CLVS1: variants seen among roughly 807,000 people sequenced by gnomAD.
CLVS1 encodes the protein clavesin 1, also known as clavesin-1.
A neutral mutation model predicts 33.1 loss-of-function variants in CLVS1; 10 were observed. The ratio of observed to expected loss-of-function variants is 0.30; its 90% CI spans 0.19 to 0.51. The LOEUF (loss-of-function observed/expected upper bound fraction) is 0.51, where lower values mean the gene tolerates loss of function less well. Among genes scored for constraint, CLVS1 ranks in the 20% least tolerant of loss-of-function variants. The pLI is 0.97. For missense variants in CLVS1, 343 were observed against 433.4 expected (o/e 0.79, Z 1.85); for synonymous variants, 163 against 166.1 (o/e 0.98, Z 0.14).
At chr8:61,151,867 G>A (rs2129295014) in intron 2 of CLVS1, among the ~76,000 whole-genome samples, 1 of 152,246 alleles carries the variant, frequency 6.6e-6, no homozygotes, top group East Asian at 1.9e-4. Flanking sequence ...TCTGATCTGA[G>A]GTCTTTAGGG....
chr8:61,023,749 C>T, the CLVS1 span, among the ~76,000 whole-genome samples: 139 of 152,246 alleles, frequency 9.1e-4, no homozygotes, highest in Non-Finnish European at 1.6e-3. Context: ...GGGGGAGAGG[C>T]CCAGGGAGCC....
chr8:61,174,966 C>T (rs749436931), intron 2 of CLVS1, among the ~76,000 whole-genome samples: 1 of 91,510 alleles, frequency 1.1e-5, no homozygotes, highest in Non-Finnish European at 2.4e-5. Context: ...AGACCTAGGA[C>T]TCAAGAAATT....
intron 1 of CLVS1, chr8:61,090,797 A>T (rs927168796): frequency 2.0e-6 from 1 of 492,906 alleles, no homozygotes; most frequent in African/African-American, 2.0e-5. Context: ...TTCCTCTAGG[A>T]TGGATTATAT....
intron 1 of CLVS1, among the ~76,000 whole-genome samples, chr8:61,096,232 G>A (rs1286325016): frequency 1.3e-5 from 2 of 152,222 alleles, no homozygotes; most frequent in African/African-American, 4.8e-5. Flanking sequence ...TCGCCCTCCA[G>A]CCGCCATTGA....
rs993498925 is a variant in CLVS1, at chr8:61,216,962, G to T, written c.-151-82715G>T. The stretch of plus-strand genomic sequence containing the variant: ...AAATGCACAGATTTAAGCATTTTTA[G>T]TCTTTCTAAGTTCTCCATTACACGT... On this transcript the variant is annotated intron_variant, in intron 2 of 2. Transcript: ENST00000522621. Among the ~76,000 whole-genome samples the T allele has an allele frequency of 9.2e-5, 14 of 152,218 alleles. No homozygotes were observed. In the East Asian group the frequency reaches 2.5e-3, roughly 27 times the overall value.
intron 1 of CLVS1, among the ~76,000 whole-genome samples, chr8:61,294,741 G>A (rs552653174): frequency 4.5e-5 from 6 of 134,670 alleles, no homozygotes; most frequent in Middle Eastern, 3.7e-3. Flanking sequence ...CTGATATATT[G>A]TATGTGTTTC....
At chr8:61,471,700 G>A (rs1817742958) in intron 5 of CLVS1, among the ~76,000 whole-genome samples, 2 of 152,176 alleles carry the variant, frequency 1.3e-5, no homozygotes, top group South Asian at 4.1e-4. Context: ...AGAGGGCTTT[G>A]TGGTTACAGG....
chr8:61,023,233 G>A, the CLVS1 span, among the ~76,000 whole-genome samples: 23 of 152,320 alleles, frequency 1.5e-4, no homozygotes, highest in Non-Finnish European at 1.0e-4. Context: ...GGATGTTTGC[G>A]TACTTTAGAG....
chr8:61,074,807 A>T (rs149269335), intron 1 of CLVS1, among the ~76,000 whole-genome samples: 5 of 152,292 alleles, frequency 3.3e-5, no homozygotes, highest in Middle Eastern at 6.8e-3. Flanking sequence ...ATGAATATAA[A>T]GTGCCTGACA....
Position 61,384,073 on chromosome 8 carries a change from A to G in CLVS1, c.630+7294A>G, listed in dbSNP as rs951931247. On this transcript the variant is annotated intron_variant, in intron 3 of 5. Transcript: ENST00000325897. Reference sequence around the variant, plus strand: ...CCTGGGCAAGGCCAGGCCTCAGCTGATACTTAGCAGGTAAGCGTGGAATAG... The same window carrying G: ...CCTGGGCAAGGCCAGGCCTCAGCTGGTACTTAGCAGGTAAGCGTGGAATAG... Among the ~76,000 whole-genome samples the G allele has an allele frequency of 7.2e-5, 11 of 152,366 alleles. No individual in the cohort carries two copies. In the East Asian group the frequency reaches 2.1e-3, roughly 29 times the overall value.
chr8:61,454,539 T>C (rs1817078697), intron 4 of CLVS1, among the ~76,000 whole-genome samples: 1 of 152,208 alleles, frequency 6.6e-6, no homozygotes. Flanking sequence ...TAAATTCTTA[T>C]GGGAGATACT....
intron 3 of CLVS1, among the ~76,000 whole-genome samples, chr8:61,420,727 G>A (rs762411013): frequency 2.5e-4 from 38 of 152,114 alleles, no homozygotes; most frequent in Non-Finnish European, 4.0e-4. Flanking sequence ...CCAGCACTTC[G>A]GTAGGCTGAG....
rs182652880 is a variant in CLVS1, at chr8:61,295,833, A to G, written c.-151-3844A>G. ...ATGAGGACAATAATATACTCATTTC[A>G]TACAGTTGTTCTGAGGATTAAATAC... On this transcript the variant is annotated intron_variant, in intron 1 of 5. Coordinates refer to ENST00000325897, the MANE Select transcript of CLVS1 (RefSeq NM_173519.3). 2.8e-4 allele frequency among the ~76,000 whole-genome samples: 43 copies of G among 152,264 alleles called. No individual in the cohort carries two copies. The East Asian group carries it at 6.9e-3, about 25-fold the overall frequency.
At position 61,300,046 on chromosome 8, in the gene CLVS1, T is replaced by C; in HGVS notation, c.219T>C (p.Asp73=). 6.2e-7 allele frequency: 1 copy of C among 1,614,068 alleles called. No homozygotes were observed. The highest frequency in any genetic ancestry group is 8.5e-7 in the Non-Finnish European group (1 of 1,179,978). Residue 73 remains aspartate, a synonymous_variant, in exon 2 of 6, where the codon GAT becomes GAC. Coordinates refer to ENST00000325897, the MANE Select transcript of CLVS1 (RefSeq NM_173519.3). ...RPDIGFLRTD[D]AFILRFLRAR... ...ACATTGGATTTTTACGTACAGATGA[T>C]GCCTTCATCCTGAGATTTCTCCGAG...
At chr8:61,236,280 G>A (rs969688937) in intron 2 of CLVS1, among the ~76,000 whole-genome samples, 3 of 152,200 alleles carry the variant, frequency 2.0e-5, no homozygotes, top group African/African-American at 7.2e-5. Flanking sequence ...CAAAGGGTAT[G>A]AGACCGATAT....
the CLVS1 span, chr8:60,965,257 G>A: frequency 6.6e-6 from 1 of 152,306 alleles, no homozygotes; most frequent in South Asian, 2.1e-4. Flanking sequence ...GCAAGAGTTT[G>A]TCAATTCAGA....
chr8:61,285,978 G>A (rs1258445350), upstream of CLVS1, among the ~76,000 whole-genome samples: 2 of 136,964 alleles, frequency 1.5e-5, no homozygotes, highest in Non-Finnish European at 3.1e-5. Context: ...TTTTTTTTTA[G>A]CACATAAGAC....
chr8:61,309,159 T>C (rs1293373838), intron 2 of CLVS1, among the ~76,000 whole-genome samples: 1 of 152,122 alleles, frequency 6.6e-6, no homozygotes, highest in Admixed American at 6.5e-5. Flanking sequence ...GATTCTGAAG[T>C]CTCAACATCC....
the CLVS1 span, among the ~76,000 whole-genome samples, chr8:60,989,091 G>A: frequency 6.6e-6 from 1 of 151,988 alleles, no homozygotes; most frequent in African/African-American, 2.4e-5. Flanking sequence ...GGCTGGCCTT[G>A]CCTGAGCTCA....
Sources: gnomAD v4.1 joint callset for allele counts (sites outside exome capture counted in the v4.1 genomes callset) on GRCh38, gnomAD v4.1.1 for gene constraint, MANE v1.5 for transcripts, NCBI Gene and HGNC (gene_info 2026-07-23, HGNC 2026-07-21) for gene names.